KDM4C: variants seen among roughly 807,000 people sequenced by gnomAD.
KDM4C encodes the protein lysine-specific demethylase 4C.
KDM4C carries 81 observed loss-of-function variants against 129.3 expected under a neutral mutation model. The ratio of observed to expected loss-of-function variants is 0.63; its 90% CI spans 0.52 to 0.75. The LOEUF (loss-of-function observed/expected upper bound fraction) is 0.75. Among genes scored for constraint, KDM4C ranks in the 30% least tolerant of loss-of-function variants. The pLI is 0.00. For synonymous variants in KDM4C, 573 were observed against 456.1 expected, an observed-to-expected ratio of 1.26 and a Z score of -3.26; for missense variants, 1,457 against 1,304.0, an observed-to-expected ratio of 1.12 and a Z score of -1.81.
At chr9:7,135,202 A>G (rs916738598) in intron 19 of KDM4C, among the ~76,000 whole-genome samples, 1 of 152,130 alleles carries the variant, frequency 6.6e-6, no homozygotes. Flanking sequence ...CTGATGTCCC[A>G]TGCAGGAGAT....
chr9:6,880,799 T>C (rs1563750726), intron 6 of KDM4C, among the ~76,000 whole-genome samples: 1 of 152,192 alleles, frequency 6.6e-6, no homozygotes, highest in Non-Finnish European at 1.5e-5. Flanking sequence ...TCCTCCTTTT[T>C]TTTAAAGATA....
chr9:6,995,621 G>T (rs983946963), intron 12 of KDM4C, among the ~76,000 whole-genome samples: 1 of 152,102 alleles, frequency 6.6e-6, no homozygotes, highest in Non-Finnish European at 1.5e-5. Flanking sequence ...ATATTTTGAG[G>T]CAAGTAATTA....
chr9:6,911,628 T>C (rs1819327390), intron 8 of KDM4C, among the ~76,000 whole-genome samples: 1 of 152,246 alleles, frequency 6.6e-6, no homozygotes, highest in African/African-American at 2.4e-5. Context: ...TTGTATAAAA[T>C]GTTCATATTT....
At position 6,855,281 on chromosome 9, in the gene KDM4C, A is replaced by G. The variant is rs887304033; in HGVS notation, c.629+5581A>G. On this transcript the variant is annotated intron_variant, in intron 5 of 21. Transcript: ENST00000381309. Reference sequence around the variant, plus strand: ...CGAGACTAGCCTGGCCAACATAGTGAAACCGCATCTGTACTAAAAATACAA... The same window carrying G: ...CGAGACTAGCCTGGCCAACATAGTGGAACCGCATCTGTACTAAAAATACAA... Among the ~76,000 whole-genome samples the G allele has an allele frequency of 3.9e-5, 6 of 152,122 alleles. No individual in the cohort carries two copies. The East Asian group carries it at 1.2e-3, about 29-fold the overall frequency.
At chr9:6,742,898 C>T (rs901665123) in intron 1 of KDM4C, among the ~76,000 whole-genome samples, 2 of 151,928 alleles carry the variant, frequency 1.3e-5, no homozygotes, top group African/African-American at 4.8e-5. Flanking sequence ...CCCATGGGGT[C>T]TCACCAGGAG....
intron 15 of KDM4C, among the ~76,000 whole-genome samples, chr9:7,024,092 A>G (rs1224067918): frequency 6.6e-6 from 1 of 152,188 alleles, no homozygotes; most frequent in African/African-American, 2.4e-5. Context: ...GAGGAAAAGA[A>G]TGTGTATCCT....
In KDM4C at chr9:6,866,891, GTA is replaced by G. The variant is rs1352000734; in HGVS notation, c.630-13110_630-13109del. Among the ~76,000 whole-genome samples, 7 of 128,468 alleles carry G rather than the reference GTA, an allele frequency of 5.4e-5. No individual in the cohort carries two copies. In the South Asian group the frequency reaches 1.9e-3, roughly 34 times the overall value. 84.3% of individuals were successfully genotyped at this position (128,468 alleles called of 152,430 possible). A position where few individuals can be genotyped will look rare whatever the true frequency, so the allele number is the denominator to read the frequency against. ...AAATTGCTGGTGATGACTTGGTGCTGTATATATATATACATATATATATATAT... is the reference window on the plus strand; with the variant it reads ...AAATTGCTGGTGATGACTTGGTGCTGTATATATATACATATATATATATAT... On this transcript the variant is annotated intron_variant, in intron 5 of 21. Coordinates refer to ENST00000381309, the MANE Select transcript of KDM4C (RefSeq NM_015061.6).
chr9:7,169,681 G>T, intron 20 of KDM4C, 117 bp from the exon 21 acceptor site: 1 of 783,396 alleles, frequency 1.3e-6, no homozygotes, highest in Non-Finnish European at 2.0e-6. Context: ...TTGTTGGCTG[G>T]TTCCCTTGTT....
At chr9:6,801,004 G>C (rs887528830) in intron 2 of KDM4C, among the ~76,000 whole-genome samples, 1 of 152,070 alleles carries the variant, frequency 6.6e-6, no homozygotes, top group East Asian at 1.9e-4. Flanking sequence ...TGAAAATTAA[G>C]GTAAAATTGA....
In KDM4C at chr9:6,987,888, G is replaced by C. The variant is rs148850902; in HGVS notation, c.1677+1222G>C. ...ATTTACAACTTTGGCCAAATGTGGTGGCTTATTTCTGTAATCCCTGCACTT... is the reference window on the plus strand; with the variant it reads ...ATTTACAACTTTGGCCAAATGTGGTCGCTTATTTCTGTAATCCCTGCACTT... On this transcript the variant is annotated intron_variant, in intron 11 of 21. Coordinates refer to ENST00000381309, the MANE Select transcript of KDM4C (RefSeq NM_015061.6). Among the ~76,000 whole-genome samples, 1,512 of 152,018 alleles carry C rather than the reference G, an allele frequency of 9.9e-3. 13 individuals carry two copies. The highest frequency in any genetic ancestry group is 0.016 in the Non-Finnish European group (1,094 of 67,992).
chr9:6,889,364 C>T (rs1845789452), intron 7 of KDM4C, among the ~76,000 whole-genome samples: 1 of 152,038 alleles, frequency 6.6e-6, no homozygotes, highest in African/African-American at 2.4e-5. Flanking sequence ...CAGTCACGCA[C>T]AAGATATGCT....
At chr9:7,169,693 G>C (rs1844762929) in intron 20 of KDM4C, 105 bp from the exon 21 acceptor site, 1 of 878,116 alleles carries the variant, frequency 1.1e-6, no homozygotes, top group Non-Finnish European at 1.7e-6. Flanking sequence ...TCCCTTGTTT[G>C]TTCTGTTTGA....
chr9:7,048,620 T>G (rs1829738782), intron 16 of KDM4C, among the ~76,000 whole-genome samples: 1 of 152,108 alleles, frequency 6.6e-6, no homozygotes, highest in Admixed American at 6.6e-5. Context: ...TTAATTCTTT[T>G]GGAAAACTTT....
chr9:7,080,935 C>G (rs770499395), intron 17 of KDM4C, among the ~76,000 whole-genome samples: 1 of 152,156 alleles, frequency 6.6e-6, no homozygotes, highest in Non-Finnish European at 1.5e-5. Context: ...CTTGGTTGAC[C>G]TGATTAATAA....
chr9:6,886,782 G>A lies in KDM4C; in HGVS notation c.680-1178G>A, dbSNP rs542674901. On this transcript the variant is annotated intron_variant, in intron 6 of 21. Transcript: ENST00000381309. ...GTTGGGATTACAGGCGTGAACCACC[G>A]CACTTGGCCTGTATTTTTTAGTAGA... 3.9e-5 allele frequency among the ~76,000 whole-genome samples: 6 copies of A among 152,156 alleles called. No homozygotes were observed. In the South Asian group the frequency reaches 6.2e-4, roughly 16 times the overall value.
chr9:6,873,723 T>C lies in KDM4C; in HGVS notation c.630-6289T>C, dbSNP rs74855155. On this transcript the variant is annotated intron_variant, in intron 5 of 21. Coordinates refer to ENST00000381309, the MANE Select transcript of KDM4C (RefSeq NM_015061.6). The stretch of plus-strand genomic sequence containing the variant: ...ATATCAGCAATGTTTTTTGTTTTCT[T>C]ATCATCATTGTGTTCATTGTTGTAG... Among the ~76,000 whole-genome samples, 1,241 of 152,334 alleles carry C rather than the reference T, an allele frequency of 8.1e-3. 9 individuals carry two copies. The highest frequency in any genetic ancestry group is 0.012 in the Non-Finnish European group (830 of 68,016).
chr9:6,905,616 G>A (rs1316750183), intron 8 of KDM4C, among the ~76,000 whole-genome samples: 2 of 152,202 alleles, frequency 1.3e-5, no homozygotes, highest in Non-Finnish European at 1.5e-5. Flanking sequence ...CCAAGACTTC[G>A]TAACAGATAA....
At chr9:6,791,596 A>G (rs1826634677) in intron 1 of KDM4C, among the ~76,000 whole-genome samples, 1 of 152,240 alleles carries the variant, frequency 6.6e-6, no homozygotes, top group South Asian at 2.1e-4. Context: ...AGCACACCTG[A>G]GTAAACTAAC....
intron 8 of KDM4C, among the ~76,000 whole-genome samples, chr9:6,912,850 T>C (rs1819578769): frequency 6.6e-6 from 1 of 152,214 alleles, no homozygotes; most frequent in Non-Finnish European, 1.5e-5. Context: ...TTTTAACTAC[T>C]TTTGATAAAG....
Sources: allele counts gnomAD v4.1 joint callset (sites outside exome capture counted in the v4.1 genomes callset), GRCh38; gene constraint gnomAD v4.1.1; transcripts MANE v1.5; gene names NCBI Gene and HGNC (gene_info 2026-07-23, HGNC 2026-07-21).